Variants in KCNIP3 observed in about 807,000 individuals in gnomAD.
KCNIP3 encodes the protein calsenilin.
A neutral mutation model predicts 35.0 loss-of-function variants in KCNIP3; 28 were observed. The ratio of observed to expected loss-of-function variants is 0.80; its 90% CI spans 0.59 to 1.10. The LOEUF (loss-of-function observed/expected upper bound fraction) is 1.10. Ranked by LOEUF, KCNIP3 falls within the 50% of genes least tolerant of loss-of-function variation. The pLI, the probability that KCNIP3 is intolerant of heterozygous loss-of-function variation, is 0.00. For synonymous variants in KCNIP3, 134 were observed against 133.8 expected (o/e 1.00, Z -0.01); for missense variants, 295 against 338.4 (o/e 0.87, Z 1.01).
At chr2:95,339,849 G>A (rs1679149469) in intron 2 of KCNIP3, among the ~76,000 whole-genome samples, 1 of 152,026 alleles carries the variant, frequency 6.6e-6, no homozygotes, top group Non-Finnish European at 1.5e-5. Flanking sequence ...TTTCTCCCTG[G>A]GTGAGAGTTC....
At chr2:95,339,962 G>C (rs978968415) in intron 2 of KCNIP3, among the ~76,000 whole-genome samples, 2 of 152,214 alleles carry the variant, frequency 1.3e-5, no homozygotes, top group Non-Finnish European at 2.9e-5. Flanking sequence ...GCATGAGTGA[G>C]GCTGGTCACC....
intron 1 of KCNIP3, among the ~76,000 whole-genome samples, chr2:95,300,800 G>A (rs572917196): frequency 1.3e-5 from 2 of 152,338 alleles, no homozygotes; most frequent in South Asian, 2.1e-4. Context: ...TGGGGGTGGC[G>A]TGTCCCACAC....
intron 2 of KCNIP3, among the ~76,000 whole-genome samples, chr2:95,373,219 C>T (rs1157158519): frequency 6.6e-6 from 1 of 152,274 alleles, no homozygotes; most frequent in East Asian, 1.9e-4. Context: ...TGTAATTATG[C>T]GAGGATGCTG....
At chr2:95,303,559 C>T (rs1254395096) in intron 1 of KCNIP3, 1 of 152,386 alleles carries the variant, frequency 6.6e-6, no homozygotes, top group Non-Finnish European at 1.5e-5. Context: ...ATCCCCAGCA[C>T]CCAGCCATGA....
intron 1 of KCNIP3, among the ~76,000 whole-genome samples, chr2:95,304,454 G>A (rs1573477440): frequency 6.6e-6 from 1 of 152,172 alleles, no homozygotes; most frequent in Admixed American, 6.5e-5. Context: ...GGGAGCTGGA[G>A]AGTGTGCTGG....
At chr2:95,317,779 C>G (rs1202843162) in intron 2 of KCNIP3, among the ~76,000 whole-genome samples, 3 of 152,112 alleles carry the variant, frequency 2.0e-5, no homozygotes, top group Admixed American at 6.5e-5. Flanking sequence ...GTGGGGGTAC[C>G]GCCTGCACAG....
At chr2:95,334,398 G>T (rs183665748) in intron 2 of KCNIP3, among the ~76,000 whole-genome samples, 1 of 152,286 alleles carries the variant, frequency 6.6e-6, no homozygotes, top group East Asian at 1.9e-4. Flanking sequence ...CCACTTTGGG[G>T]ATGAAGGAAA....
chr2:95,361,540 C>T (rs753971300), intron 2 of KCNIP3, among the ~76,000 whole-genome samples: 2 of 152,202 alleles, frequency 1.3e-5, no homozygotes, highest in Non-Finnish European at 2.9e-5. Context: ...CCCCAGTTCA[C>T]CTGCTGTCAC....
At chr2:95,339,999 A>G (rs925728063) in intron 2 of KCNIP3, among the ~76,000 whole-genome samples, 18 of 152,130 alleles carry the variant, frequency 1.2e-4, no homozygotes, top group Non-Finnish European at 2.5e-4. Flanking sequence ...AGCCAGTGGG[A>G]AAAGAGAAGA....
chr2:95,365,169 T>C (rs1384997465), intron 2 of KCNIP3, among the ~76,000 whole-genome samples: 1 of 149,954 alleles, frequency 6.7e-6, no homozygotes, highest in Non-Finnish European at 1.5e-5. Flanking sequence ...TTTTTTTTTT[T>C]TTTTTTTTTT....
chr2:95,322,130 C>T (rs1395428550), intron 2 of KCNIP3, among the ~76,000 whole-genome samples: 2 of 152,044 alleles, frequency 1.3e-5, no homozygotes, highest in East Asian at 1.9e-4. Context: ...TTTGGGAGGT[C>T]GAGGTGGGCA....
At chr2:95,326,701 A>G (rs1275798210) in intron 2 of KCNIP3, among the ~76,000 whole-genome samples, 1 of 152,214 alleles carries the variant, frequency 6.6e-6, no homozygotes, top group Non-Finnish European at 1.5e-5. Flanking sequence ...GGGCAGCTTC[A>G]GAAATGTAAA....
At chr2:95,373,591 T>A (rs1680094979) in intron 2 of KCNIP3, among the ~76,000 whole-genome samples, 2 of 151,916 alleles carry the variant, frequency 1.3e-5, no homozygotes, top group African/African-American at 4.8e-5. Flanking sequence ...CCTGGCTAAT[T>A]TTTTGTATTT....
chr2:95,310,566 C>G lies in KCNIP3; in HGVS notation c.181+46C>G, dbSNP rs768103630. Reference sequence around the variant, plus strand: ...TGGTCAAGGGTGGGGGTGGGGAGATCTGTTCTGAGCACTGTCCTTTCTGAG... The same window carrying G: ...TGGTCAAGGGTGGGGGTGGGGAGATGTGTTCTGAGCACTGTCCTTTCTGAG... On this transcript the variant is annotated intron_variant, in intron 2 of 8. Coordinates refer to ENST00000295225, the MANE Select transcript of KCNIP3 (RefSeq NM_013434.5). 7.0e-5 allele frequency: 112 copies of G among 1,606,746 alleles called. 1 individual carries two copies. In the South Asian group the frequency reaches 1.2e-3, roughly 17 times the overall value.
chr2:95,359,118 T>C (rs1679728953), intron 2 of KCNIP3, among the ~76,000 whole-genome samples: 1 of 152,174 alleles, frequency 6.6e-6, no homozygotes, highest in Non-Finnish European at 1.5e-5. Context: ...CATGTCCTTC[T>C]CACATACAAA....
intron 2 of KCNIP3, among the ~76,000 whole-genome samples, chr2:95,365,199 T>A (rs1280403188): frequency 2.0e-5 from 3 of 150,706 alleles, no homozygotes; most frequent in Non-Finnish European, 3.0e-5. Flanking sequence ...TCTCTCTCTG[T>A]TGCCCAGGCT....
chr2:95,354,483 G>A (rs1220742483), intron 2 of KCNIP3, among the ~76,000 whole-genome samples: 1 of 152,184 alleles, frequency 6.6e-6, no homozygotes, highest in Non-Finnish European at 1.5e-5. Flanking sequence ...GCGGAGGCAG[G>A]GAGACTGGGT....
At chr2:95,332,261 G>A (rs865821634) in intron 2 of KCNIP3, among the ~76,000 whole-genome samples, 5 of 152,376 alleles carry the variant, frequency 3.3e-5, no homozygotes, top group East Asian at 1.9e-4. Flanking sequence ...GGGCAGATGC[G>A]TACCAACAGG....
intron 2 of KCNIP3, among the ~76,000 whole-genome samples, chr2:95,339,675 T>C (rs183166948): frequency 6.6e-4 from 101 of 152,264 alleles, no homozygotes; most frequent in Non-Finnish European, 1.8e-4. Context: ...ATCAGTCTTA[T>C]CTCTTCTGTT....
Sources: gnomAD v4.1 joint callset for allele counts (sites outside exome capture counted in the v4.1 genomes callset) on GRCh38, gnomAD v4.1.1 for gene constraint, MANE v1.5 for transcripts, NCBI Gene and HGNC (gene_info 2026-07-23, HGNC 2026-07-21) for gene names.